The following POU2F1 variants were observed in gnomAD, a reference collection of about 807,000 sequenced individuals.
POU2F1 encodes POU class 2 homeobox 1, also known as POU domain, class 2, transcription factor 1.
In POU2F1, 16 loss-of-function variants were observed where a neutral mutation model predicts 84.9. The ratio of observed to expected loss-of-function variants is 0.19; its 90% CI spans 0.13 to 0.29. The LOEUF is 0.29. Among genes scored for constraint, POU2F1 ranks in the 10% least tolerant of loss-of-function variants. The pLI is 1.00. For missense variants in POU2F1, 738 were observed against 942.6 expected (o/e 0.78, Z 2.84); for synonymous variants, 368 against 368.3 (o/e 1.00, Z 0.01).
At position 167,302,510 on chromosome 1, in the gene POU2F1, G is replaced by A. The variant is rs1654778521; in HGVS notation, c.62-29960G>A. Reference sequence around the variant, plus strand: ...CTGACCTCGTGATTCGCCTGCCTTGGCCTCCCAAGGTACTAGGATTACAGG... The same window carrying A: ...CTGACCTCGTGATTCGCCTGCCTTGACCTCCCAAGGTACTAGGATTACAGG... On this transcript the variant is annotated intron_variant, in intron 1 of 15. Coordinates refer to ENST00000367866, the MANE Select transcript of POU2F1 (RefSeq NM_002697.4). Among the ~76,000 whole-genome samples the A allele has an allele frequency of 2.6e-5, 4 of 152,038 alleles. No homozygotes were observed. In the South Asian group the frequency reaches 8.3e-4, roughly 31 times the overall value.
Position 167,362,596 on chromosome 1 carries a change from C to T in POU2F1, c.128-2871C>T, listed in dbSNP as rs540663719. 3.0e-4 allele frequency among the ~76,000 whole-genome samples: 46 copies of T among 152,274 alleles called. No individual in the cohort carries two copies. In the Middle Eastern group the frequency reaches 0.01, roughly 34 times the overall value. On this transcript the variant is annotated intron_variant, in intron 2 of 15. Coordinates refer to ENST00000367866, the MANE Select transcript of POU2F1 (RefSeq NM_002697.4). ...GCATGATCGTAGCTGGTTGCAGCCTCGAGCTCCTAGGCTCAAAGGATCCTT... is the reference window on the plus strand; with the variant it reads ...GCATGATCGTAGCTGGTTGCAGCCTTGAGCTCCTAGGCTCAAAGGATCCTT...
intron 2 of POU2F1, among the ~76,000 whole-genome samples, chr1:167,359,581 G>C (rs932692890): frequency 3.9e-5 from 6 of 152,148 alleles, no homozygotes; most frequent in Non-Finnish European, 7.4e-5. Context: ...CTAATCCACT[G>C]TTTTGGGCAC....
At chr1:167,253,284 G>T (rs1234825422) in intron 1 of POU2F1, among the ~76,000 whole-genome samples, 1 of 151,748 alleles carries the variant, frequency 6.6e-6, no homozygotes, top group Non-Finnish European at 1.5e-5. Context: ...ACAAAACTTG[G>T]AGCCTCTGTG....
intron 5 of POU2F1, among the ~76,000 whole-genome samples, chr1:167,373,892 T>C (rs1303231336): frequency 6.6e-6 from 1 of 152,160 alleles, no homozygotes; most frequent in East Asian, 1.9e-4. Context: ...CAAGCTTGAA[T>C]GATTAAGTCC....
At chr1:167,228,051 G>C (rs1001049354) in intron 1 of POU2F1, among the ~76,000 whole-genome samples, 9 of 152,178 alleles carry the variant, frequency 5.9e-5, no homozygotes, top group Non-Finnish European at 1.3e-4. Context: ...CCCCATTGCT[G>C]TCAGTCAGAG....
chr1:167,361,208 A>G (rs1415507568), intron 2 of POU2F1, among the ~76,000 whole-genome samples: 1 of 152,152 alleles, frequency 6.6e-6, no homozygotes, highest in Non-Finnish European at 1.5e-5. Flanking sequence ...AAGGACTTTC[A>G]GTACTATGTT....
At position 167,414,400 on chromosome 1, in the gene POU2F1, C is replaced by T. The variant is rs1041060843; in HGVS notation, c.1991-1100C>T. 8 of 985,370 alleles carry T rather than the reference C, an allele frequency of 8.1e-6. No individual in the cohort carries two copies. In the East Asian group the frequency reaches 9.1e-4, roughly 112 times the overall value. The allele number at this position is 985,370 out of a possible 1,614,324, so 61.0% of individuals were successfully genotyped here. A position where few individuals can be genotyped will look rare whatever the true frequency, so the allele number is the denominator to read the frequency against. On this transcript the variant is annotated intron_variant, in intron 15 of 15. Transcript: ENST00000367866. ...AGAAAAACTTCAAGCTGCACTGTCT[C>T]ACTGTTCTGTACTATTTGTATGAGC...
intron 2 of POU2F1, among the ~76,000 whole-genome samples, chr1:167,336,087 C>T (rs1185678386): frequency 6.6e-6 from 1 of 152,114 alleles, no homozygotes; most frequent in African/African-American, 2.4e-5. Context: ...TCATCTATTA[C>T]CATGAAATAT....
At chr1:167,324,929 A>G (rs1417118896) in intron 1 of POU2F1, among the ~76,000 whole-genome samples, 1 of 152,184 alleles carries the variant, frequency 6.6e-6, no homozygotes, top group African/African-American at 2.4e-5. Context: ...CTTAGAGGGT[A>G]TCATTTACAT....
At chr1:167,255,679 A>G (rs1571175256) in intron 1 of POU2F1, among the ~76,000 whole-genome samples, 1 of 152,242 alleles carries the variant, frequency 6.6e-6, no homozygotes, top group Non-Finnish European at 1.5e-5. Flanking sequence ...GGCCTCAACT[A>G]AAGGAGTCGC....
intron 1 of POU2F1, chr1:167,329,403 G>A: frequency 7.2e-7 from 1 of 1,390,800 alleles, no homozygotes; most frequent in Non-Finnish European, 9.8e-7. Flanking sequence ...TATGCAGCCT[G>A]TGGCGGGGGA....
intron 5 of POU2F1, 148 bp downstream of exon 5, chr1:167,372,184 G>GGTA (rs1338489239): frequency 2.0e-5 from 19 of 968,008 alleles, no homozygotes; most frequent in Non-Finnish European, 4.4e-6. Context: ...CTACACTGTA[G>GGTA]GTAGTAAGTT....
chr1:167,238,854 A>G (rs1389576734), intron 1 of POU2F1, among the ~76,000 whole-genome samples: 6 of 152,186 alleles, frequency 3.9e-5, no homozygotes, highest in African/African-American at 1.2e-4. Context: ...TTGAAGGTAG[A>G]GTGATAAGAT....
intron 1 of POU2F1, chr1:167,329,284 G>A (rs1318510053): frequency 6.5e-7 from 1 of 1,548,440 alleles, no homozygotes; most frequent in South Asian, 1.2e-5. Context: ...CAGCAATGCT[G>A]GACTGCAGTG....
intron 1 of POU2F1, among the ~76,000 whole-genome samples, chr1:167,271,295 CTGA>C (rs1652352272): frequency 6.6e-6 from 1 of 152,052 alleles, no homozygotes; most frequent in Admixed American, 6.5e-5. Flanking sequence ...AACTCTTTTC[CTGA>C]GTTTCCTTAG....
chr1:167,355,219 T>C (rs1190116271), intron 2 of POU2F1, among the ~76,000 whole-genome samples: 6 of 151,968 alleles, frequency 3.9e-5, no homozygotes, highest in African/African-American at 1.4e-4. Context: ...TTTTGTTTTT[T>C]GTTTTTTAAA....
intron 1 of POU2F1, among the ~76,000 whole-genome samples, chr1:167,291,752 T>A (rs1241064006): frequency 6.6e-6 from 1 of 152,192 alleles, no homozygotes; most frequent in Non-Finnish European, 1.5e-5. Flanking sequence ...GTCAGCATAT[T>A]GTTGAAGTTT....
At chr1:167,245,005 A>G (rs903079770) in intron 1 of POU2F1, among the ~76,000 whole-genome samples, 1 of 152,208 alleles carries the variant, frequency 6.6e-6, no homozygotes, top group African/African-American at 2.4e-5. Context: ...TGACAGGAAC[A>G]GTAGTGAATG....
In POU2F1 at chr1:167,220,910, G is replaced by A; in HGVS notation, c.13G>A (p.Gly5Arg). The change falls in exon 1 of 16, where the codon GGA becomes AGA. Residue 5 changes from glycine to arginine, a missense_variant. Coordinates refer to ENST00000367866, the MANE Select transcript of POU2F1 (RefSeq NM_002697.4). MADGGAASQDESSAA... is the reference protein window; with the variant it reads MADGRAASQDESSAA... Reference sequence around the variant, plus strand: ...TAAAATATTCAAAATGGCGGACGGAGGAGCAGCGAGTCAAGATGAGAGTTC... The same window carrying A: ...TAAAATATTCAAAATGGCGGACGGAAGAGCAGCGAGTCAAGATGAGAGTTC... 4 of 1,535,278 alleles carry A rather than the reference G, an allele frequency of 2.6e-6. No homozygotes were observed. The highest frequency in any genetic ancestry group is 3.5e-6 in the Non-Finnish European group (4 of 1,146,786).
Sources: allele counts gnomAD v4.1 joint callset (sites outside exome capture counted in the v4.1 genomes callset), GRCh38; gene constraint gnomAD v4.1.1; transcripts MANE v1.5; gene names NCBI Gene and HGNC (gene_info 2026-07-23, HGNC 2026-07-21).